SNTG1: variants seen among roughly 807,000 people sequenced by gnomAD.
The protein encoded by SNTG1 is syntrophin gamma 1.
A neutral mutation model predicts 74.7 loss-of-function variants in SNTG1; 39 were observed. The ratio of observed to expected loss-of-function variants is 0.52; its 90% confidence interval spans 0.40 to 0.68. SNTG1 has a LOEUF of 0.68. SNTG1 is among the 30% of genes least tolerant of loss of function. The pLI is 0.00. For missense variants in SNTG1, 685 were observed against 609.5 expected, an observed-to-expected ratio of 1.12 and a Z score of -1.30; for synonymous variants, 254 against 217.1, an observed-to-expected ratio of 1.17 and a Z score of -1.49.
intron 1 of SNTG1, among the ~76,000 whole-genome samples, chr8:50,086,864 G>A (rs1228212934): frequency 6.6e-6 from 1 of 152,146 alleles, no homozygotes; most frequent in Non-Finnish European, 1.5e-5. Context: ...TGCTTAAAAA[G>A]CACCAATAGC....
At chr8:50,098,069 G>A (rs1157829910) in intron 1 of SNTG1, among the ~76,000 whole-genome samples, 1 of 151,850 alleles carries the variant, frequency 6.6e-6, no homozygotes, top group Non-Finnish European at 1.5e-5. Flanking sequence ...TTTCTTACAG[G>A]GAGTAGAAAT....
chr8:50,551,639 A>C (rs1397760352), intron 11 of SNTG1, among the ~76,000 whole-genome samples: 2 of 152,206 alleles, frequency 1.3e-5, no homozygotes, highest in Non-Finnish European at 2.9e-5. Context: ...ATTAAAGCTA[A>C]AAATATCATG....
chr8:49,948,978 C>T (rs757790943), intron 1 of SNTG1, among the ~76,000 whole-genome samples: 6 of 152,222 alleles, frequency 3.9e-5, no homozygotes, highest in African/African-American at 7.2e-5. Flanking sequence ...TCTGAGATCA[C>T]GCCTTCCACA....
intron 8 of SNTG1, among the ~76,000 whole-genome samples, chr8:50,465,146 C>T (rs2093598892): frequency 6.6e-6 from 1 of 152,110 alleles, no homozygotes. Context: ...CTGTCTCTAA[C>T]TCAACCCTTT....
At chr8:50,350,741 C>T (rs983918847) in intron 2 of SNTG1, among the ~76,000 whole-genome samples, 3 of 152,186 alleles carry the variant, frequency 2.0e-5, no homozygotes, top group Non-Finnish European at 2.9e-5. Flanking sequence ...TATGTCAACA[C>T]TCTGTATCTA....
At chr8:49,949,890 A>G (rs955289778) in intron 1 of SNTG1, among the ~76,000 whole-genome samples, 15 of 152,226 alleles carry the variant, frequency 9.9e-5, no homozygotes, top group African/African-American at 3.1e-4. Flanking sequence ...CTACGATCCC[A>G]GCACTTTGGG....
intron 2 of SNTG1, among the ~76,000 whole-genome samples, chr8:50,182,336 C>A (rs750764741): frequency 2.0e-5 from 3 of 152,080 alleles, no homozygotes; most frequent in African/African-American, 7.2e-5. Context: ...GAGATAATGG[C>A]AGATCAACAA....
chr8:50,729,327 G>T (rs1025301709), intron 17 of SNTG1, among the ~76,000 whole-genome samples: 1 of 152,178 alleles, frequency 6.6e-6, no homozygotes, highest in Non-Finnish European at 1.5e-5. Context: ...ATACATGTAA[G>T]CATTTCTCTC....
At chr8:50,386,590 T>C (rs990635129) in intron 2 of SNTG1, among the ~76,000 whole-genome samples, 2 of 152,076 alleles carry the variant, frequency 1.3e-5, no homozygotes, top group Non-Finnish European at 2.9e-5. Flanking sequence ...TTACTTTGAC[T>C]CATGGTTCTG....
intron 1 of SNTG1, among the ~76,000 whole-genome samples, chr8:50,161,301 G>C (rs1253650362): frequency 1.3e-5 from 2 of 152,154 alleles, no homozygotes; most frequent in African/African-American, 4.8e-5. Flanking sequence ...AAAAGTAACA[G>C]GATAAGCTAA....
At chr8:50,264,706 C>G (rs1016764841) in intron 2 of SNTG1, among the ~76,000 whole-genome samples, 2 of 150,772 alleles carry the variant, frequency 1.3e-5, no homozygotes, top group African/African-American at 4.9e-5. Context: ...ATTAATGGTA[C>G]CAAAAGTTGA....
chr8:50,361,849 A>T (rs1475239987), intron 2 of SNTG1, among the ~76,000 whole-genome samples: 1 of 152,220 alleles, frequency 6.6e-6, no homozygotes, highest in African/African-American at 2.4e-5. Flanking sequence ...TAATTGCAAC[A>T]CTATAGTAAG....
intron 18 of SNTG1, among the ~76,000 whole-genome samples, chr8:50,759,464 C>A (rs2095591405): frequency 6.6e-6 from 1 of 151,908 alleles, no homozygotes; most frequent in South Asian, 2.1e-4. Context: ...AATCTTTAAT[C>A]CATCTTGAGT....
intron 1 of SNTG1, among the ~76,000 whole-genome samples, chr8:49,960,803 G>T (rs1427433923): frequency 6.6e-6 from 1 of 152,104 alleles, no homozygotes; most frequent in Non-Finnish European, 1.5e-5. Context: ...ACCTCAGATA[G>T]AGACAATAGA....
At chr8:50,188,034 G>T (rs531241869) in intron 2 of SNTG1, among the ~76,000 whole-genome samples, 1 of 152,282 alleles carries the variant, frequency 6.6e-6, no homozygotes, top group Admixed American at 6.5e-5. Flanking sequence ...GGATATGATA[G>T]TAATGGCTGG....
intron 10 of SNTG1, among the ~76,000 whole-genome samples, chr8:50,534,216 G>T (rs1327219040): frequency 2.6e-5 from 4 of 152,090 alleles, no homozygotes; most frequent in African/African-American, 9.7e-5. Flanking sequence ...GTGAATCCTG[G>T]GGGTGCCCTT....
At chr8:50,241,391 TGGTTCCA>T (rs369372043) in intron 2 of SNTG1, among the ~76,000 whole-genome samples, 1,636 of 152,258 alleles carry the variant, frequency 0.011, 14 homozygotes, top group Middle Eastern at 0.051. Flanking sequence ...GGTGACAGAA[TGGTTCCA>T]GGTAAATGGA....
At chr8:50,367,507 G>A (rs2092148164) in intron 2 of SNTG1, among the ~76,000 whole-genome samples, 1 of 151,944 alleles carries the variant, frequency 6.6e-6, no homozygotes, top group Non-Finnish European at 1.5e-5. Flanking sequence ...AGAAATATGT[G>A]TTTACTTACA....
At chr8:50,171,884 C>T (rs2082820583) in intron 1 of SNTG1, among the ~76,000 whole-genome samples, 1 of 152,160 alleles carries the variant, frequency 6.6e-6, no homozygotes, top group African/African-American at 2.4e-5. Context: ...CTGATAACCA[C>T]TGCTCTATTA....
Sources: allele counts gnomAD v4.1 joint callset (sites outside exome capture counted in the v4.1 genomes callset), GRCh38; gene constraint gnomAD v4.1.1; transcripts MANE v1.5; gene names NCBI Gene and HGNC (gene_info 2026-07-23, HGNC 2026-07-21).